Variants in CUX1 observed in about 807,000 individuals in gnomAD.
The protein encoded by CUX1 is protein CASP.
A neutral mutation model predicts 158.8 loss-of-function variants in CUX1; 31 were observed. That is an observed-to-expected ratio of 0.20 (90% CI 0.15 to 0.26). The LOEUF (loss-of-function observed/expected upper bound fraction) is 0.26. CUX1 is among the 10% of genes least tolerant of loss of function. The pLI, the probability that CUX1 is intolerant of heterozygous loss-of-function variation, is 1.00. For synonymous variants in CUX1, 879 were observed against 862.1 expected, an observed-to-expected ratio of 1.02 and a Z score of -0.34; for missense variants, 1,589 against 2,014.6, an observed-to-expected ratio of 0.79 and a Z score of 4.04.
At chr7:102,218,891 C>CA (rs1367183591) in intron 20 of CUX1, among the ~76,000 whole-genome samples, 1 of 151,096 alleles carries the variant, frequency 6.6e-6, no homozygotes, top group Non-Finnish European at 1.5e-5. Context: ...CCCATCTCCA[C>CA]AAAAAATTAA....
intron 2 of CUX1, among the ~76,000 whole-genome samples, chr7:101,979,646 CTTTCTTT>C (rs768365221): frequency 1.3e-5 from 2 of 151,750 alleles, no homozygotes; most frequent in African/African-American, 2.4e-5. Context: ...CAGGTGTTTT[CTTTCTTT>C]TTTCTTTTTT....
chr7:102,237,657 A>G (rs1283231647), intron 22 of CUX1, among the ~76,000 whole-genome samples: 1 of 152,180 alleles, frequency 6.6e-6, no homozygotes, highest in Non-Finnish European at 1.5e-5. Context: ...TGTAGGGACC[A>G]GCCCCACAGG....
upstream of CUX1, among the ~76,000 whole-genome samples, chr7:101,816,746 A>G (rs1791849046): frequency 7.0e-6 from 1 of 142,944 alleles, no homozygotes; most frequent in Non-Finnish European, 1.5e-5. Flanking sequence ...GGGGAGGGTC[A>G]GAGCGGCCAC....
At chr7:102,127,208 C>CT (rs1233149961) in intron 8 of CUX1, among the ~76,000 whole-genome samples, 4 of 151,948 alleles carry the variant, frequency 2.6e-5, no homozygotes, top group African/African-American at 2.4e-5. Flanking sequence ...TTTCTTTTTT[C>CT]TTTTTTTTCT....
upstream of CUX1, chr7:101,817,618 GC>G: frequency 6.5e-7 from 1 of 1,547,982 alleles, no homozygotes. The surrounding 1 kb of genome is among the most constrained non-coding windows in gnomAD (Gnocchi z 4.1). Context: ...CGCCGGGACA[GC>G]CCCGGGACTC....
chr7:102,116,105 C>G (rs797027351), intron 8 of CUX1, among the ~76,000 whole-genome samples: 3 of 152,298 alleles, frequency 2.0e-5, no homozygotes, highest in Non-Finnish European at 2.9e-5. Context: ...TGGGCATCGG[C>G]AAGAAGACGG....
intron 3 of CUX1, among the ~76,000 whole-genome samples, chr7:102,049,247 A>C (rs1283761931): frequency 2.0e-5 from 3 of 152,246 alleles, no homozygotes; most frequent in Non-Finnish European, 2.9e-5. Flanking sequence ...CCCTTTGGGC[A>C]GATGAAGGAG....
chr7:101,954,914 G>A (rs1202330725), intron 2 of CUX1, among the ~76,000 whole-genome samples: 1 of 149,288 alleles, frequency 6.7e-6, no homozygotes, highest in Admixed American at 6.7e-5. Flanking sequence ...GCTCATGTGT[G>A]TAATCCCAGC....
chr7:102,133,721 C>T (rs1250956716), intron 8 of CUX1, among the ~76,000 whole-genome samples: 6 of 151,860 alleles, frequency 4.0e-5, no homozygotes, highest in Non-Finnish European at 8.8e-5. Flanking sequence ...GTGATCCACC[C>T]GCCTCCGCCT....
chr7:102,013,412 T>C (rs1818258268), intron 2 of CUX1, among the ~76,000 whole-genome samples: 1 of 152,220 alleles, frequency 6.6e-6, no homozygotes, highest in Non-Finnish European at 1.5e-5. Context: ...TTCAACTGTA[T>C]TTCTTTCCTA....
intron 1 of CUX1, among the ~76,000 whole-genome samples, chr7:101,838,063 TG>T (rs1794825830): frequency 6.6e-6 from 1 of 151,912 alleles, no homozygotes; most frequent in African/African-American, 2.4e-5. Context: ...TGTGTATACG[TG>T]GTTTTAATTC....
At chr7:102,036,761 CAAA>C (rs35844490) in intron 3 of CUX1, among the ~76,000 whole-genome samples, 1 of 115,954 alleles carries the variant, frequency 8.6e-6, no homozygotes, top group African/African-American at 3.5e-5. Context: ...AGCAAACAAA[CAAA>C]AAAAAAAAAA....
In CUX1 at chr7:102,248,785, G is replaced by A; in HGVS notation, c.4261G>A (p.Ala1421Thr). 1 of 1,062,780 alleles carries A rather than the reference G, an allele frequency of 9.4e-7. No homozygotes were observed. Among genetic ancestry groups the A allele is most frequent in the Non-Finnish European group, 1.1e-6 (1 of 879,008 alleles). 65.8% of individuals were successfully genotyped at this position (1,062,780 alleles called of 1,614,324 possible). A position where few individuals can be genotyped will look rare whatever the true frequency, so the allele number is the denominator to read the frequency against. Reference sequence around the variant, plus strand: ...CGCGCCCGCGGCCCCCGAGGACGCCGCTACCTCAGCCGCCGCCGCGCCGGG... The same window carrying A: ...CGCGCCCGCGGCCCCCGAGGACGCCACTACCTCAGCCGCCGCCGCGCCGGG... Reference protein sequence around the residue: ...TAAPAAPEDAATSAAAAPGEG... With the variant: ...TAAPAAPEDATTSAAAAPGEG... Residue 1421 changes from alanine (A) to threonine (T), a missense_variant, in exon 24 of 24, where the codon GCT (alanine) becomes ACT (threonine). Physicochemically the swap from Ala to Thr is moderately conservative, Grantham distance 58. This residue lies in a region of CUX1 where 344 missense variants were observed against 323.7 expected (regional missense o/e 1.06). Transcript: ENST00000292535. The surrounding 1 kb of genome is among the most constrained non-coding windows in gnomAD (Gnocchi z 5.8).
At chr7:102,242,343 G>A (rs558710619) in intron 23 of CUX1, among the ~76,000 whole-genome samples, 12 of 151,106 alleles carry the variant, frequency 7.9e-5, no homozygotes, top group African/African-American at 2.9e-4. Flanking sequence ...CTGAGTAGCT[G>A]AAATTATAGG....
At chr7:101,947,405 C>G (rs1393756501) in intron 2 of CUX1, among the ~76,000 whole-genome samples, 1 of 152,118 alleles carries the variant, frequency 6.6e-6, no homozygotes, top group Non-Finnish European at 1.5e-5. Context: ...AAAACAAAAA[C>G]CGAAAAAACC....
intron 20 of CUX1, among the ~76,000 whole-genome samples, chr7:102,213,481 C>T (rs1376076214): frequency 4.6e-5 from 7 of 152,220 alleles, no homozygotes; most frequent in East Asian, 1.9e-4. Flanking sequence ...ACATAACTCT[C>T]GTTCTTCCCG....
At chr7:101,848,073 A>AAAG in intron 1 of CUX1, among the ~76,000 whole-genome samples, 1 of 147,268 alleles carries the variant, frequency 6.8e-6, no homozygotes, top group Admixed American at 6.8e-5. Context: ...AAAAAAAAAA[A>AAAG]AAGAAAAGAA....
intron 2 of CUX1, among the ~76,000 whole-genome samples, chr7:101,925,596 T>C (rs1805489791): frequency 6.6e-6 from 1 of 152,020 alleles, no homozygotes; most frequent in Non-Finnish European, 1.5e-5. Context: ...AATGGGTGAG[T>C]TGTATGGTAT....
intron 1 of CUX1, among the ~76,000 whole-genome samples, chr7:101,821,201 A>G (rs776504869): frequency 2.0e-5 from 3 of 152,146 alleles, no homozygotes; most frequent in Non-Finnish European, 2.9e-5. Context: ...ATGTAGGTAC[A>G]TTTTATTATA....
Sources: gnomAD v4.1 joint callset for allele counts (sites outside exome capture counted in the v4.1 genomes callset) on GRCh38, gnomAD v4.1.1 for gene constraint, gnomAD v4.1.1 regional missense constraint, Gnocchi (gnomAD v3.1) non-coding constraint, MANE v1.5 for transcripts, NCBI Gene and HGNC (gene_info 2026-07-23, HGNC 2026-07-21) for gene names.